BPIFB2: variants seen among roughly 807,000 people sequenced by gnomAD.
BPIFB2 encodes the protein BPI fold containing family B member 2.
In BPIFB2, 39 loss-of-function variants were observed where a neutral mutation model predicts 50.1. That is an observed-to-expected ratio of 0.78 (90% CI 0.60 to 1.02). The LOEUF (loss-of-function observed/expected upper bound fraction) is 1.02. BPIFB2 is among the 50% of genes least tolerant of loss of function. BPIFB2 has a pLI of 0.00. For synonymous variants in BPIFB2, 280 were observed against 256.3 expected (o/e 1.09, Z -0.88); for missense variants, 574 against 585.8 (o/e 0.98, Z 0.21).
At position 33,013,799 on chromosome 20, in the gene BPIFB2, C is replaced by T; in HGVS notation, c.309-11C>T. The stretch of plus-strand genomic sequence containing the variant: ...CGGTGCTGCTCGGGCTCAGGACTGG[C>T]ATCCCTACAGCGCCCCAGAGCCCCT... On this transcript the variant is annotated splice_polypyrimidine_tract_variant and intron_variant, in intron 4 of 15. Transcript: ENST00000170150. 1 of 1,611,054 alleles carries T rather than the reference C, an allele frequency of 6.2e-7. No homozygotes were observed. The highest frequency in any genetic ancestry group is 8.5e-7 in the Non-Finnish European group (1 of 1,179,002).
At chr20:33,016,082 C>T (rs1417609210) in intron 6 of BPIFB2, among the ~76,000 whole-genome samples, 3 of 152,020 alleles carry the variant, frequency 2.0e-5, no homozygotes, top group South Asian at 2.1e-4. Flanking sequence ...AGAGGGTAGC[C>T]CAGGGGCTAG....
At chr20:33,019,458 C>T in intron 10 of BPIFB2, 122 bp from the exon 11 acceptor site, 1 of 1,170,786 alleles carries the variant, frequency 8.5e-7, no homozygotes, top group Non-Finnish European at 1.2e-6. Flanking sequence ...AGAGGGGGGA[C>T]CCACCTCTGT....
At chr20:33,022,222 A>G (rs1978700639) in intron 15 of BPIFB2, among the ~76,000 whole-genome samples, 1 of 152,146 alleles carries the variant, frequency 6.6e-6, no homozygotes, top group African/African-American at 2.4e-5. Context: ...CAGTCACAAC[A>G]CTGCCCAGGG....
At position 33,013,969 on chromosome 20, in the gene BPIFB2, T is replaced by C. The variant is rs1005873459; in HGVS notation, c.455+13T>C. 6.2e-7 allele frequency: 1 copy of C among 1,611,426 alleles called. No homozygotes were observed. The highest frequency in any genetic ancestry group is 1.3e-5 in the African/African-American group (1 of 74,892). On this transcript the variant is annotated intron_variant, in intron 5 of 15. Coordinates refer to ENST00000170150, the MANE Select transcript of BPIFB2 (RefSeq NM_025227.3). ...ATGGCAGTAACAGGTGGGTGCCTGGTGAGGGCAGGGTCACAGGAATCCCAG... is the reference window on the plus strand; with the variant it reads ...ATGGCAGTAACAGGTGGGTGCCTGGCGAGGGCAGGGTCACAGGAATCCCAG...
rs556645502 is a variant in BPIFB2, at chr20:33,010,601, C to T, written c.110-423C>T. The stretch of plus-strand genomic sequence containing the variant: ...CAGCCCCCAGGTGAGGCTGTCCCCT[C>T]CCCTCCCAAGGGACGTCCCCTCTGC... On this transcript the variant is annotated intron_variant, in intron 2 of 15. Coordinates refer to ENST00000170150, the MANE Select transcript of BPIFB2 (RefSeq NM_025227.3). 5.9e-5 allele frequency among the ~76,000 whole-genome samples: 9 copies of T among 152,250 alleles called. No homozygotes were observed. The South Asian group carries it at 1.9e-3, about 32-fold the overall frequency.
At chr20:33,019,503 A>G in intron 10 of BPIFB2, 77 bp from the exon 11 acceptor site, 4 of 1,439,192 alleles carry the variant, frequency 2.8e-6, no homozygotes, top group Non-Finnish European at 3.7e-6. Context: ...TGGCCCAATC[A>G]GCATTTGAGG....
intron 13 of BPIFB2, 144 bp from the exon 14 acceptor site, chr20:33,021,137 A>G: frequency 1.1e-6 from 1 of 891,584 alleles, no homozygotes. Context: ...GACATGGGTG[A>G]TCTGCCTTCC....
At chr20:33,012,708 A>G (rs1600511474) in intron 3 of BPIFB2, 95 bp from the exon 4 acceptor site, 1 of 956,214 alleles carries the variant, frequency 1.0e-6, no homozygotes, top group Non-Finnish European at 1.7e-6. Flanking sequence ...GCCCTTCTTT[A>G]TAACATCGTG....
chr20:33,008,718 C>T (rs1222087777), intron 2 of BPIFB2, 35 bp downstream of exon 2: 3 of 1,520,824 alleles, frequency 2.0e-6, no homozygotes, highest in Middle Eastern at 1.7e-4. Flanking sequence ...TGTCTGTGAG[C>T]CTGTACATGC....
Position 33,023,374 on chromosome 20 carries a change from C to T in BPIFB2, c.1368C>T (p.Tyr456=), listed in dbSNP as rs753806171. The T allele has an allele frequency of 6.2e-7, 1 of 1,613,966 alleles. No homozygotes were observed. The highest frequency in any genetic ancestry group is 8.5e-7 in the Non-Finnish European group (1 of 1,179,914). Residue 456 remains tyrosine (Y), a synonymous_variant, in exon 16 of 16, where the codon TAC becomes TAT. Transcript: ENST00000170150. ...GYVVISSGLF[Y]QS is the part of the protein sequence containing the mutation. Reference sequence around the variant, plus strand: ...TGGTGATATCCAGTGGACTCTTCTACCAGAGCTGAGGCAAGACCACTGGGA... The same window carrying T: ...TGGTGATATCCAGTGGACTCTTCTATCAGAGCTGAGGCAAGACCACTGGGA...
Position 33,013,859 on chromosome 20 carries a change from AC to A in BPIFB2, c.361del (p.Arg121AlafsTer2). 6.2e-7 allele frequency: 1 copy of A among 1,613,996 alleles called. No homozygotes were observed. Among genetic ancestry groups the A allele is most frequent in the Non-Finnish European group, 8.5e-7 (1 of 1,179,972 alleles). On this transcript the variant is annotated frameshift_variant, in exon 5 of 16. Transcript: ENST00000170150. LOFTEE classifies it high-confidence loss of function. ...LTLPVELLAD[T>X]RVTQSSIRTP... ...GCTGCCTGTGGAACTGCTGGCTGAC[AC>A]CCGCGTGACCCAGAGCTCCATCAGG... is the stretch of plus-strand genomic sequence containing the variant.
At chr20:33,011,499 C>T (rs1219468788) in intron 3 of BPIFB2, among the ~76,000 whole-genome samples, 1 of 152,196 alleles carries the variant, frequency 6.6e-6, no homozygotes, top group Non-Finnish European at 1.5e-5. Flanking sequence ...TACCTCCACC[C>T]TACTCTGCTT....
Position 33,011,117 on chromosome 20 carries a change from G to A in BPIFB2, c.203G>A (p.Arg68Lys), listed in dbSNP as rs1208635140. 1.2e-6 allele frequency: 2 copies of A among 1,613,410 alleles called. No individual in the cohort carries two copies. The highest frequency in any genetic ancestry group is 2.7e-5 in the African/African-American group (2 of 75,038). The change falls in exon 3 of 16, where the codon AGG becomes AAG. Residue 68 changes from arginine (R) to lysine (K), a missense_variant and splice_region_variant. Physicochemically the swap from Arg to Lys is conservative, Grantham distance 26. Transcript: ENST00000170150. ...DWSGEALQPT[R>K]IRILNVHVPR... is the part of the protein sequence containing the mutation. ...AGTGGAGAGGCGCTTCAGCCCACCA[G>A]GTGAGTGCTCCCCTCCTCCAGAGAA... is the stretch of plus-strand genomic sequence containing the variant.
intron 10 of BPIFB2, 65 bp from the exon 11 acceptor site, chr20:33,019,515 G>A (rs1197970082): frequency 5.4e-6 from 8 of 1,484,900 alleles, no homozygotes; most frequent in African/African-American, 1.4e-5. Flanking sequence ...CATTTGAGGA[G>A]TGACTGACCA....
intron 6 of BPIFB2, 95 bp from the exon 7 acceptor site, chr20:33,016,947 G>A (rs1181804514): frequency 4.4e-6 from 5 of 1,135,626 alleles, no homozygotes; most frequent in Non-Finnish European, 6.4e-6. Flanking sequence ...GGTTGGGGAG[G>A]CTTCTAGACA....
intron 2 of BPIFB2, among the ~76,000 whole-genome samples, chr20:33,010,605 T>G (rs983103669): frequency 4.0e-5 from 6 of 151,798 alleles, no homozygotes; most frequent in African/African-American, 1.5e-4. Flanking sequence ...TCCCCTCCCC[T>G]CCCAAGGGAC....
At position 33,019,067 on chromosome 20, in the gene BPIFB2, G is replaced by A. The variant is rs760013631; in HGVS notation, c.861G>A (p.Ser287=). The A allele has an allele frequency of 9.9e-6, 16 of 1,614,014 alleles. No individual in the cohort carries two copies. Among genetic ancestry groups the A allele is most frequent in the East Asian group, 2.2e-5 (1 of 44,884 alleles). Residue 287 remains serine, a synonymous_variant, in exon 10 of 16, where the codon TCG becomes TCA. Coordinates refer to ENST00000170150, the MANE Select transcript of BPIFB2 (RefSeq NM_025227.3). ...GCCTGGGGTGCTGATTTCAGAGGTCGGATGACAACCTGCTGAACACCTCTG... is the reference window on the plus strand; with the variant it reads ...GCCTGGGGTGCTGATTTCAGAGGTCAGATGACAACCTGCTGAACACCTCTG... The part of the protein sequence containing the change: ...LNLDITGQLR[S]DDNLLNTSAL...
rs751470764 is a variant in BPIFB2 at position 33,018,328 on chromosome 20, A to T, written c.647A>T (p.Asp216Val). 2.5e-6 allele frequency: 4 copies of T among 1,613,972 alleles called. No homozygotes were observed. The South Asian group carries it at 3.3e-5, about 13-fold the overall frequency. ...SMVSVPTVTSDYISLEVNAVL... is the reference protein window; with the variant it reads ...SMVSVPTVTSVYISLEVNAVL... ...GTCAGTGTGCCCACTGTCACCAGTGACTACATTTCCCTGGAAGTCAATGTA... is the reference window on the plus strand; with the variant it reads ...GTCAGTGTGCCCACTGTCACCAGTGTCTACATTTCCCTGGAAGTCAATGTA... The change falls in exon 8 of 16, where the codon GAC becomes GTC. Residue 216 changes from aspartate to valine, a missense_variant. Coordinates refer to ENST00000170150, the MANE Select transcript of BPIFB2 (RefSeq NM_025227.3).
At chr20:33,015,693 G>A (rs548660445) in intron 6 of BPIFB2, among the ~76,000 whole-genome samples, 197 bp downstream of exon 6, 2 of 152,188 alleles carry the variant, frequency 1.3e-5, no homozygotes, top group African/African-American at 2.4e-5. Context: ...GCACAAATGA[G>A]GGCAGAGTTT....
Sources: allele counts gnomAD v4.1 joint callset (sites outside exome capture counted in the v4.1 genomes callset), GRCh38; gene constraint gnomAD v4.1.1; transcripts MANE v1.5; gene names NCBI Gene and HGNC (gene_info 2026-07-23, HGNC 2026-07-21).